TREM2: variants seen among roughly 807,000 people sequenced by gnomAD.
TREM2 encodes triggering receptor expressed on monocytes 2.
A neutral mutation model predicts 22.9 loss-of-function variants in TREM2; 20 were observed. That is an observed-to-expected ratio of 0.87 (90% confidence interval 0.61 to 1.27). The LOEUF is 1.27. Ranked by LOEUF, TREM2 falls within the 50% of genes most tolerant of loss-of-function variation. The pLI, the probability that TREM2 is intolerant of heterozygous loss-of-function variation, is 0.00. For missense variants in TREM2, 267 were observed against 289.0 expected, an observed-to-expected ratio of 0.92 and a Z score of 0.55; for synonymous variants, 111 against 120.9, an observed-to-expected ratio of 0.92 and a Z score of 0.54.
At chr6:41,162,624 A>T (rs1395929579) in intron 1 of TREM2, among the ~76,000 whole-genome samples, 1 of 152,218 alleles carries the variant, frequency 6.6e-6, no homozygotes, top group Non-Finnish European at 1.5e-5. Flanking sequence ...TGCCCCAAAG[A>T]TGCAGATGAA....
intron 1 of TREM2, among the ~76,000 whole-genome samples, chr6:41,162,195 C>T (rs1765584152): frequency 6.6e-6 from 1 of 152,240 alleles, no homozygotes; most frequent in African/African-American, 2.4e-5. Flanking sequence ...CCAGAGCCCC[C>T]TGCTTTGACT....
intron 2 of TREM2, among the ~76,000 whole-genome samples, chr6:41,160,820 A>G (rs1187405290): frequency 6.6e-6 from 1 of 152,202 alleles, no homozygotes; most frequent in Non-Finnish European, 1.5e-5. Context: ...TTTCTGCACC[A>G]GGTTGGTGCT....
Position 41,163,107 on chromosome 6 carries a change from G to A in TREM2, c.-25C>T. On this transcript the variant is annotated 5_prime_UTR_variant, in exon 1 of 5. Coordinates refer to ENST00000373113, the MANE Select transcript of TREM2 (RefSeq NM_018965.4). ...TGCCACCCTTCCCCAGCCAAGGGCAGAAGCAGAGTGCCTTGTGCAAGATCT... is the reference window on the plus strand; with the variant it reads ...TGCCACCCTTCCCCAGCCAAGGGCAAAAGCAGAGTGCCTTGTGCAAGATCT... 1 of 1,613,730 alleles carries A rather than the reference G, an allele frequency of 6.2e-7. No individual in the cohort carries two copies. The highest frequency in any genetic ancestry group is 8.5e-7 in the Non-Finnish European group (1 of 1,179,830).
intron 2 of TREM2, 35 bp downstream of exon 2, chr6:41,161,228 G>A: frequency 6.3e-7 from 1 of 1,594,360 alleles, no homozygotes; most frequent in East Asian, 2.2e-5. Context: ...GCCTGGAACA[G>A]GGGCAGGCCA....
intron 2 of TREM2, 30 bp from the exon 3 acceptor site, chr6:41,159,912 C>A: frequency 6.3e-7 from 1 of 1,593,514 alleles, no homozygotes; most frequent in Non-Finnish European, 8.6e-7. Context: ...GAGCCTCCAG[C>A]CCCTTCCTCC....
chr6:41,158,694 G>A lies in TREM2; in HGVS notation c.*70C>T, dbSNP rs532556414. ...CAGAACAAGGAGTCCTGGTGGCCAA[G>A]TGGCAAGTATGCAGGCTGGGCTGGT... On this transcript the variant is annotated 3_prime_UTR_variant, in exon 5 of 5. Coordinates refer to ENST00000373113, the MANE Select transcript of TREM2 (RefSeq NM_018965.4). The A allele has an allele frequency of 3.5e-5, 56 of 1,614,132 alleles. 1 individual carries two copies. In the South Asian group the frequency reaches 5.8e-4, roughly 17 times the overall value.
intron 2 of TREM2, among the ~76,000 whole-genome samples, chr6:41,160,243 G>A (rs1765528446): frequency 6.6e-6 from 1 of 152,110 alleles, no homozygotes; most frequent in Non-Finnish European, 1.5e-5. Context: ...CACAAGCTAT[G>A]GGCTACTTTT....
chr6:41,161,757 G>A, intron 1 of TREM2, 144 bp from the exon 2 acceptor site: 1 of 728,224 alleles, frequency 1.4e-6, no homozygotes. Context: ...CACAGCATGT[G>A]TTTGTGGGAA....
At chr6:41,162,002 C>A (rs1765579706) in intron 1 of TREM2, among the ~76,000 whole-genome samples, 1 of 152,234 alleles carries the variant, frequency 6.6e-6, no homozygotes, top group Non-Finnish European at 1.5e-5. Context: ...TGCAGCCGCC[C>A]ACATTGGTAC....
In TREM2 at chr6:41,161,481, C is replaced by T. The variant is rs886042808; in HGVS notation, c.173G>A (p.Gly58Asp). 3 of 1,614,232 alleles carry T rather than the reference C, an allele frequency of 1.9e-6. No individual in the cohort carries two copies. Among genetic ancestry groups the T allele is most frequent in the East Asian group, 2.2e-5 (1 of 44,876 alleles). ...KAWCRQLGEKGPCQRVVSTHN... is the reference protein window; with the variant it reads ...KAWCRQLGEKDPCQRVVSTHN... ...CGTGCTGACCACACGCTGGCATGGGCCCTTCTCTCCCAGCTGGCGGCACCA... is the reference window on the plus strand; with the variant it reads ...CGTGCTGACCACACGCTGGCATGGGTCCTTCTCTCCCAGCTGGCGGCACCA... The change falls in exon 2 of 5, where the codon GGC (glycine) becomes GAC (aspartate). Residue 58 changes from glycine (G) to aspartate (D), a missense_variant. Gly to Asp is a moderately conservative substitution (Grantham distance 94). Coordinates refer to ENST00000373113, the MANE Select transcript of TREM2 (RefSeq NM_018965.4).
intron 3 of TREM2, 54 bp downstream of exon 3, chr6:41,159,738 G>A: frequency 6.5e-7 from 1 of 1,536,670 alleles, no homozygotes; most frequent in South Asian, 1.1e-5. Flanking sequence ...CCCCCGTGGG[G>A]CTCTGCAGGG....
chr6:41,161,675 T>TTTAGGTCACTGCACAGA, intron 1 of TREM2, 62 bp from the exon 2 acceptor site: 1 of 1,425,180 alleles, frequency 7.0e-7, no homozygotes, highest in Non-Finnish European at 9.7e-7. Flanking sequence ...ACTTGCTCTG[T>TTTAGGTCACTGCACAGA]GCAGTGACCT....
chr6:41,162,921 C>T, intron 1 of TREM2, 122 bp downstream of exon 1: 5 of 1,281,588 alleles, frequency 3.9e-6, no homozygotes, highest in Non-Finnish European at 5.6e-6. Flanking sequence ...CAGAACAGGG[C>T]ACTCAGGCAT....
In TREM2 at chr6:41,158,814, C is replaced by T. The variant is rs2234257; in HGVS notation, c.677-34G>A. On this transcript the variant is annotated intron_variant, in intron 4 of 4. Transcript: ENST00000373113. ...GTCCAAGGACTCATGTGGCCCCTCT[C>T]GGCACCGCCTCCCATCCCTGCCCAG... is the stretch of plus-strand genomic sequence containing the variant. 86 of 1,614,220 alleles carry T rather than the reference C, an allele frequency of 5.3e-5. 1 individual carries two copies. The African/African-American group carries it at 5.6e-4, about 11-fold the overall frequency.
chr6:41,160,792 T>C (rs1765543689), intron 2 of TREM2, among the ~76,000 whole-genome samples: 1 of 152,182 alleles, frequency 6.6e-6, no homozygotes, highest in African/African-American at 2.4e-5. Context: ...ACAAGCAGTG[T>C]TCCTTTCTAG....
chr6:41,159,103 T>A, intron 3 of TREM2, 37 bp from the exon 4 acceptor site: 1 of 1,589,138 alleles, frequency 6.3e-7, no homozygotes, highest in Non-Finnish European at 8.6e-7. Context: ...AGCCTTGAGA[T>A]GGCCTACAGA....
Position 41,158,784 on chromosome 6 carries a change from C to G in TREM2, c.677-4G>C. On this transcript the variant is annotated splice_region_variant and splice_polypyrimidine_tract_variant and intron_variant, in intron 4 of 4. Transcript: ENST00000373113. Reference sequence around the variant, plus strand: ...TTCCTTCACGTGTCTCTCAGCCCTGCAATAGTCCAAGGACTCATGTGGCCC... The same window carrying G: ...TTCCTTCACGTGTCTCTCAGCCCTGGAATAGTCCAAGGACTCATGTGGCCC... 4 of 1,614,246 alleles carry G rather than the reference C, an allele frequency of 2.5e-6. No individual in the cohort carries two copies. The highest frequency in any genetic ancestry group is 3.4e-6 in the Non-Finnish European group (4 of 1,180,040).
At chr6:41,159,180 G>T in intron 3 of TREM2, 114 bp from the exon 4 acceptor site, 1 of 1,333,338 alleles carries the variant, frequency 7.5e-7, no homozygotes, top group Non-Finnish European at 1.0e-6. Context: ...ATCCCACCCA[G>T]CACCATCCCT....
At chr6:41,159,956 T>G in intron 2 of TREM2, 74 bp from the exon 3 acceptor site, 1 of 1,290,414 alleles carries the variant, frequency 7.7e-7, no homozygotes, top group East Asian at 2.4e-5. Context: ...CGGGAGAACC[T>G]TTATGGGTGG....
Sources: gnomAD v4.1 joint callset for allele counts (sites outside exome capture counted in the v4.1 genomes callset) on GRCh38, gnomAD v4.1.1 for gene constraint, MANE v1.5 for transcripts, NCBI Gene and HGNC (gene_info 2026-07-23, HGNC 2026-07-21) for gene names.